PSAT1: variants seen among roughly 807,000 people sequenced by gnomAD.
The protein encoded by PSAT1 is phosphoserine aminotransferase 1.
PSAT1 carries 41 observed loss-of-function variants against 40.3 expected under a neutral mutation model. That is an observed-to-expected ratio of 1.02 (90% CI 0.79 to 1.32). The LOEUF (loss-of-function observed/expected upper bound fraction) is 1.32, where lower values mean the gene tolerates loss of function less well. PSAT1 is among the 40% of genes most tolerant of loss of function. The pLI is 0.00. For synonymous variants in PSAT1, 147 were observed against 170.5 expected (o/e 0.86, Z 1.07); for missense variants, 406 against 455.8 (o/e 0.89, Z 0.99).
chr9:78,298,273 T>G, intron 1 of PSAT1: 4 of 985,392 alleles, frequency 4.1e-6, no homozygotes, highest in Non-Finnish European at 4.8e-6. Context: ...TAGATTTTTA[T>G]TTTTCTAACC....
chr9:78,305,046 T>A, intron 4 of PSAT1, 106 bp downstream of exon 4: 1 of 991,200 alleles, frequency 1.0e-6, no homozygotes, highest in Admixed American at 2.0e-5. Flanking sequence ...ACAGTGTTAG[T>A]TCATTACCAT....
At chr9:78,305,814 A>G (rs1030967463) in intron 4 of PSAT1, among the ~76,000 whole-genome samples, 4 of 152,196 alleles carry the variant, frequency 2.6e-5, no homozygotes, top group Non-Finnish European at 5.9e-5. Context: ...TAGTCCATCA[A>G]TGGATGTAGG....
chr9:78,328,952 C>A (rs1465107370), intron 8 of PSAT1, 29 bp from the exon 9 acceptor site: 2 of 1,572,636 alleles, frequency 1.3e-6, no homozygotes, highest in Non-Finnish European at 1.8e-6. Context: ...CGTTTTTGTT[C>A]TCAATGCCTG....
At chr9:78,307,207 C>T (rs762925382) in intron 5 of PSAT1, among the ~76,000 whole-genome samples, 13 of 152,208 alleles carry the variant, frequency 8.5e-5, no homozygotes, top group Admixed American at 1.3e-4. Context: ...CTCTCCCCAC[C>T]GTCCAGCCCC....
chr9:78,307,987 C>T (rs762475212), intron 5 of PSAT1, among the ~76,000 whole-genome samples: 19 of 151,978 alleles, frequency 1.3e-4, no homozygotes, highest in South Asian at 2.1e-4. Context: ...TGCAGTGAGC[C>T]GAGATTGCGC....
At chr9:78,311,192 G>T (rs1031530000) in intron 6 of PSAT1, among the ~76,000 whole-genome samples, 20 of 152,196 alleles carry the variant, frequency 1.3e-4, no homozygotes, top group African/African-American at 4.8e-4. Context: ...GAACTGGGCA[G>T]GCTGAGCGGT....
chr9:78,316,649 AG>A (rs1248252255), intron 6 of PSAT1, among the ~76,000 whole-genome samples: 2 of 152,184 alleles, frequency 1.3e-5, no homozygotes, highest in African/African-American at 2.4e-5. Flanking sequence ...TGGGAAGAGC[AG>A]GGTGGATAAA....
In PSAT1 at chr9:78,297,176, C is replaced by G. The variant is rs561420026; in HGVS notation, c.-35C>G. On this transcript the variant is annotated 5_prime_UTR_variant, in exon 1 of 9. Coordinates refer to ENST00000376588, the MANE Select transcript of PSAT1 (RefSeq NM_058179.4). ...ACGCCAGCCGTTCACGCGTTCGGTC[C>G]TCCTTGGCTGACTCACCGCCCTGGC... 181 of 1,584,334 alleles carry G rather than the reference C, an allele frequency of 1.1e-4. 3 individuals carry two copies. In the South Asian group the frequency reaches 1.6e-3, roughly 14 times the overall value.
intron 3 of PSAT1, among the ~76,000 whole-genome samples, chr9:78,302,619 A>G (rs897466867): frequency 6.6e-6 from 1 of 151,754 alleles, no homozygotes; most frequent in African/African-American, 2.4e-5. Context: ...CTGTATTCCC[A>G]GCTATTCGGG....
At chr9:78,313,709 A>T (rs138079326) in intron 6 of PSAT1, among the ~76,000 whole-genome samples, 4 of 152,054 alleles carry the variant, frequency 2.6e-5, no homozygotes, top group Non-Finnish European at 4.4e-5. Flanking sequence ...CAGCAGTGTG[A>T]TGATAGCTCT....
Position 78,302,023 on chromosome 9 carries a change from TG to T in PSAT1, c.191+1del. 4.4e-6 allele frequency: 7 copies of T among 1,607,104 alleles called. No homozygotes were observed. The highest frequency in any genetic ancestry group is 6.0e-6 in the Non-Finnish European group (7 of 1,173,704). On this transcript the variant is annotated splice_donor_variant, in intron 3 of 8. Transcript: ENST00000376588. LOFTEE classifies it high-confidence loss of function. ...ACAGAGAATCTTGTGCGGGAATTGC[TG>T]TAAGTTTTAAAAAGACCAAATCATG...
At chr9:78,301,475 G>A (rs562605091) in intron 2 of PSAT1, among the ~76,000 whole-genome samples, 2 of 152,152 alleles carry the variant, frequency 1.3e-5, no homozygotes, top group African/African-American at 2.4e-5. Flanking sequence ...TATTTTTGGC[G>A]GTTCTGAAGA....
intron 1 of PSAT1, among the ~76,000 whole-genome samples, chr9:78,299,790 C>T (rs1467894618): frequency 6.6e-6 from 1 of 152,048 alleles, no homozygotes; most frequent in Non-Finnish European, 1.5e-5. Context: ...GGATTACAGG[C>T]GTGAGCCACC....
chr9:78,302,589 CTGG>C (rs1828122533), intron 3 of PSAT1, among the ~76,000 whole-genome samples: 2 of 152,158 alleles, frequency 1.3e-5, no homozygotes, highest in South Asian at 4.2e-4. Flanking sequence ...AAAAAATTAG[CTGG>C]GCATGGTGGC....
At chr9:78,308,674 G>A (rs1280044303) in intron 6 of PSAT1, 91 bp downstream of exon 6, 4 of 1,487,678 alleles carry the variant, frequency 2.7e-6, no homozygotes, top group Non-Finnish European at 2.7e-6. Flanking sequence ...AAACATGTAA[G>A]CCTGGGCGCG....
rs759484305 is a variant in PSAT1 at position 78,297,173 on chromosome 9, G to A, written c.-38G>A. 3 of 1,580,044 alleles carry A rather than the reference G, an allele frequency of 1.9e-6. No homozygotes were observed. Among genetic ancestry groups the A allele is most frequent in the African/African-American group, 2.7e-5 (2 of 74,514 alleles). On this transcript the variant is annotated 5_prime_UTR_variant, in exon 1 of 9. Coordinates refer to ENST00000376588, the MANE Select transcript of PSAT1 (RefSeq NM_058179.4). ...GGAACGCCAGCCGTTCACGCGTTCG[G>A]TCCTCCTTGGCTGACTCACCGCCCT... is the stretch of plus-strand genomic sequence containing the variant.
At chr9:78,320,672 TGTCCATCCATCCAACC>T (rs36222795) in intron 7 of PSAT1, among the ~76,000 whole-genome samples, 63,922 of 140,622 alleles carry the variant, frequency 0.45, 16,263 homozygotes, top group Non-Finnish European at 0.58. Flanking sequence ...TCTATCCATC[TGTCCATCCATCCAACC>T]GTCCATCCAT....
At chr9:78,297,379 T>C in intron 1 of PSAT1, 109 bp downstream of exon 1, 1 of 1,274,894 alleles carries the variant, frequency 7.8e-7, no homozygotes, top group Non-Finnish European at 1.1e-6. Context: ...CTGCCTTGAG[T>C]CCCCTAGGCG....
chr9:78,321,884 G>T (rs1375448175), intron 7 of PSAT1, among the ~76,000 whole-genome samples: 1 of 152,116 alleles, frequency 6.6e-6, no homozygotes, highest in Non-Finnish European at 1.5e-5. Flanking sequence ...ATTGTCAAGA[G>T]AATTAAAAGG....
Sources: allele counts gnomAD v4.1 joint callset (sites outside exome capture counted in the v4.1 genomes callset), GRCh38; gene constraint gnomAD v4.1.1; transcripts MANE v1.5; gene names NCBI Gene and HGNC (gene_info 2026-07-23, HGNC 2026-07-21).